Variants in CRYBG1 observed in about 807,000 individuals in gnomAD.
The protein encoded by CRYBG1 is crystallin beta-gamma domain containing 1.
Under a neutral mutation model 189.2 loss-of-function variants are expected in CRYBG1, and 139 were observed. The ratio of observed to expected loss-of-function variants is 0.73; its 90% CI spans 0.64 to 0.85. The LOEUF (loss-of-function observed/expected upper bound fraction) is 0.85. CRYBG1 is among the 40% of genes least tolerant of loss of function. The probability of loss-of-function intolerance (pLI) is 0.00; values close to 1 mark genes in which losing one functional copy is unlikely to be tolerated. For synonymous variants in CRYBG1, 1,023 were observed against 1,017.1 expected (o/e 1.01, Z -0.11); for missense variants, 2,611 against 2,675.8 (o/e 0.98, Z 0.53).
intron 1 of CRYBG1, among the ~76,000 whole-genome samples, chr6:106,442,502 A>C (rs1408244554): frequency 6.6e-6 from 1 of 152,210 alleles, no homozygotes; most frequent in Non-Finnish European, 1.5e-5. Context: ...ATCACCACAG[A>C]CTTCTGGAAA....
At position 106,387,603 on chromosome 6, in the gene CRYBG1, C is replaced by A. The variant is rs149802649; in HGVS notation, c.173+26522C>A. On this transcript the variant is annotated intron_variant, in intron 1 of 21. Transcript: ENST00000633556. ...CTCGACAGGACATTTGCTATCCATG[C>A]AAAGTTTTTTCTATTGCTGTGTACA... Among the ~76,000 whole-genome samples the A allele has an allele frequency of 2.2e-4, 33 of 152,256 alleles. 1 individual carries two copies. The East Asian group carries it at 6.0e-3, about 28-fold the overall frequency.
chr6:106,417,084 C>G (rs942662267), intron 1 of CRYBG1, among the ~76,000 whole-genome samples: 2 of 141,684 alleles, frequency 1.4e-5, no homozygotes, highest in African/African-American at 5.3e-5. Flanking sequence ...CAGCTCACTG[C>G]ACTCTTGACC....
intron 1 of CRYBG1, among the ~76,000 whole-genome samples, chr6:106,379,492 A>C (rs1051015571): frequency 1.7e-4 from 25 of 151,362 alleles, no homozygotes; most frequent in African/African-American, 5.8e-4. Context: ...CGATCTCCTG[A>C]CCTTGTGATC....
At chr6:106,398,263 C>T (rs1770650687) in intron 1 of CRYBG1, among the ~76,000 whole-genome samples, 1 of 151,778 alleles carries the variant, frequency 6.6e-6, no homozygotes, top group African/African-American at 2.4e-5. Context: ...GCCTGTAATC[C>T]CAGCACATTA....
At chr6:106,529,193 GC>G (rs1773819972) in intron 7 of CRYBG1, among the ~76,000 whole-genome samples, 1 of 152,122 alleles carries the variant, frequency 6.6e-6, no homozygotes, top group South Asian at 2.1e-4. Flanking sequence ...TGATCTGCCC[GC>G]CTAGGCCTCC....
intron 1 of CRYBG1, among the ~76,000 whole-genome samples, chr6:106,374,364 A>G (rs1770104838): frequency 6.6e-6 from 1 of 152,140 alleles, no homozygotes; most frequent in African/African-American, 2.4e-5. Context: ...GACCAGTCTG[A>G]CCAACATAGG....
At chr6:106,440,873 T>C (rs1438387954) in intron 1 of CRYBG1, among the ~76,000 whole-genome samples, 1 of 152,202 alleles carries the variant, frequency 6.6e-6, no homozygotes, top group East Asian at 1.9e-4. Flanking sequence ...TTGAGAAAAA[T>C]AGACACTATT....
Position 106,530,160 on chromosome 6 carries a change from A to C in CRYBG1, c.4579-16A>C. On this transcript the variant is annotated splice_polypyrimidine_tract_variant and intron_variant, in intron 7 of 21. Transcript: ENST00000633556. ...ATGGTGCAATTCTTACTATCTATGC[A>C]TCTATATTTTTTCAGGATTACAGAG... 1 of 1,601,628 alleles carries C rather than the reference A, an allele frequency of 6.2e-7. No individual in the cohort carries two copies. The highest frequency in any genetic ancestry group is 8.5e-7 in the Non-Finnish European group (1 of 1,172,440).
chr6:106,464,317 A>C (rs1046875000), intron 2 of CRYBG1, among the ~76,000 whole-genome samples: 2 of 151,960 alleles, frequency 1.3e-5, no homozygotes, highest in African/African-American at 2.4e-5. Context: ...ACATGATGAA[A>C]CCCATCTCTA....
intron 1 of CRYBG1, among the ~76,000 whole-genome samples, chr6:106,369,218 G>C (rs1051141424): frequency 6.6e-6 from 1 of 152,208 alleles, no homozygotes; most frequent in Admixed American, 6.5e-5. Context: ...GCATGTTATA[G>C]ACAAGTAAAG....
chr6:106,388,258 TTGCCA>T (rs1770429407), intron 1 of CRYBG1, among the ~76,000 whole-genome samples: 1 of 151,324 alleles, frequency 6.6e-6, no homozygotes, highest in South Asian at 2.1e-4. Context: ...GTAGATAGGC[TTGCCA>T]TGTTCATCTT....
At chr6:106,526,941 CAAA>C (rs35768853) in intron 6 of CRYBG1, among the ~76,000 whole-genome samples, 11 of 88,376 alleles carry the variant, frequency 1.2e-4, no homozygotes, top group Admixed American at 1.4e-4. Flanking sequence ...ACTCTGTATC[CAAA>C]AAAAAAAAAA....
At chr6:106,519,009 C>CACACA in intron 3 of CRYBG1, 122 bp from the exon 4 acceptor site, 8 of 787,272 alleles carry the variant, frequency 1.0e-5, no homozygotes, top group South Asian at 1.8e-5. Context: ...ACACACACAC[C>CACACA]ACACTCCAAA....
At chr6:106,482,619 C>CA (rs761094865) in intron 2 of CRYBG1, among the ~76,000 whole-genome samples, 188 of 151,912 alleles carry the variant, frequency 1.2e-3, no homozygotes, top group Middle Eastern at 3.4e-3. Context: ...ACTAAAAATA[C>CA]AAAAAATTAG....
intron 1 of CRYBG1, among the ~76,000 whole-genome samples, chr6:106,431,671 A>T (rs1246380044): frequency 6.6e-6 from 1 of 152,238 alleles, no homozygotes; most frequent in East Asian, 1.9e-4. Context: ...AAATACACAC[A>T]GAAATGGCCA....
intron 2 of CRYBG1, among the ~76,000 whole-genome samples, chr6:106,461,861 T>C (rs1239193503): frequency 6.6e-6 from 1 of 152,120 alleles, no homozygotes; most frequent in African/African-American, 2.4e-5. Context: ...AGCAGGAACA[T>C]TGACTCTCGG....
At chr6:106,383,087 G>C (rs184098471) in intron 1 of CRYBG1, among the ~76,000 whole-genome samples, 69 of 152,100 alleles carry the variant, frequency 4.5e-4, no homozygotes, top group South Asian at 1.0e-3. Context: ...CCAGAATGGA[G>C]GTAGTGAGTT....
At chr6:106,466,707 A>G (rs1340616) in intron 2 of CRYBG1, among the ~76,000 whole-genome samples, 35,156 of 152,156 alleles carry the variant, frequency 0.23, 4,192 homozygotes, top group East Asian at 0.37. Flanking sequence ...TAGGAAAGGT[A>G]TCAGAATCAA....
chr6:106,400,162 G>GAC (rs1770694932), intron 1 of CRYBG1, among the ~76,000 whole-genome samples: 1 of 144,906 alleles, frequency 6.9e-6, no homozygotes, highest in Non-Finnish European at 1.5e-5. Flanking sequence ...AAAAAAGAGA[G>GAC]AGAGAAAAGG....
Sources: gnomAD v4.1 joint callset for allele counts (sites outside exome capture counted in the v4.1 genomes callset) on GRCh38, gnomAD v4.1.1 for gene constraint, MANE v1.5 for transcripts, NCBI Gene and HGNC (gene_info 2026-07-23, HGNC 2026-07-21) for gene names.